CSMD1: variants seen among roughly 807,000 people sequenced by gnomAD.
CSMD1 encodes the protein CUB and Sushi multiple domains 1, also known as CUB and sushi domain-containing protein 1.
CSMD1 carries 213 observed loss-of-function variants against 417.5 expected under a neutral mutation model. The ratio of observed to expected loss-of-function variants is 0.51; its 90% CI spans 0.46 to 0.57. The LOEUF (loss-of-function observed/expected upper bound fraction) is 0.57, where lower values mean the gene tolerates loss of function less well. Ranked by LOEUF, CSMD1 falls within the 20% of genes least tolerant of loss-of-function variation. CSMD1 has a pLI of 0.00. For synonymous variants in CSMD1, 2,862 were observed against 1,736.8 expected (o/e 1.65, Z -16.11); for missense variants, 6,923 against 4,529.7 (o/e 1.53, Z -15.17).
intron 5 of CSMD1, among the ~76,000 whole-genome samples, chr8:3,845,664 A>C (rs1803457074): frequency 6.6e-6 from 1 of 152,176 alleles, no homozygotes. Flanking sequence ...TTTTGTCTTC[A>C]ATAATAAGTT....
chr8:4,618,649 A>C (rs749500803), intron 2 of CSMD1, among the ~76,000 whole-genome samples: 1 of 152,070 alleles, frequency 6.6e-6, no homozygotes, highest in Non-Finnish European at 1.5e-5. Context: ...GAAACCGTTA[A>C]ATTATTGACT....
chr8:4,282,302 G>A (rs1796829232), intron 3 of CSMD1, among the ~76,000 whole-genome samples: 1 of 152,102 alleles, frequency 6.6e-6, no homozygotes, highest in Non-Finnish European at 1.5e-5. Flanking sequence ...TGAAGCTCAG[G>A]AACACTGGAG....
rs1453262759 is a variant in CSMD1 at position 3,360,249 on chromosome 8, T to TA, written c.3116-910dup. On this transcript the variant is annotated intron_variant, in intron 20 of 69. Coordinates refer to ENST00000635120, the MANE Select transcript of CSMD1 (RefSeq NM_033225.6). The stretch of plus-strand genomic sequence containing the variant: ...CAAGAAGGAAGTGCTAAATATAAAT[T>TA]AAAAAATAAATGTCTGATATTTTGC... Among the ~76,000 whole-genome samples the TA allele has an allele frequency of 7.9e-5, 12 of 152,276 alleles. No individual in the cohort carries two copies. In the East Asian group the frequency reaches 2.1e-3, roughly 27 times the overall value.
At chr8:4,955,736 G>A (rs747287835) in intron 1 of CSMD1, among the ~76,000 whole-genome samples, 6 of 144,268 alleles carry the variant, frequency 4.2e-5, no homozygotes, top group Admixed American at 1.4e-4. Flanking sequence ...GATTACAGGC[G>A]TGAGCCACCA....
chr8:3,539,233 C>T (rs1001238622), intron 10 of CSMD1, among the ~76,000 whole-genome samples: 13 of 152,166 alleles, frequency 8.5e-5, no homozygotes, highest in African/African-American at 3.1e-4. Flanking sequence ...TCATGTGTAT[C>T]ATTAATCCTT....
intron 4 of CSMD1, among the ~76,000 whole-genome samples, chr8:4,007,865 A>G (rs978243358): frequency 6.6e-6 from 1 of 152,178 alleles, no homozygotes; most frequent in Admixed American, 6.5e-5. Flanking sequence ...AAGTTTATTT[A>G]GTTATAGAGA....
rs1315365158 is a variant in CSMD1 at position 4,091,173 on chromosome 8, C to A, written c.416-59074G>T. On this transcript the variant is annotated intron_variant, in intron 3 of 69. Transcript: ENST00000635120. ...ACCTCAAGTGATCCACATGGCTCGG[C>A]CTCCCAAAGTGCTGGGATTACGGGC... Among the ~76,000 whole-genome samples the A allele has an allele frequency of 3.9e-5, 6 of 152,200 alleles. No individual in the cohort carries two copies. The East Asian group carries it at 1.2e-3, about 29-fold the overall frequency.
chr8:3,062,479 T>C (rs1375944409), intron 49 of CSMD1, among the ~76,000 whole-genome samples: 1 of 151,700 alleles, frequency 6.6e-6, no homozygotes, highest in Non-Finnish European at 1.5e-5. Flanking sequence ...TGAAAATGAA[T>C]GTCCATAGAG....
intron 5 of CSMD1, among the ~76,000 whole-genome samples, chr8:3,952,989 G>C (rs1209034194): frequency 2.0e-5 from 3 of 151,696 alleles, no homozygotes; most frequent in Admixed American, 1.3e-4. Flanking sequence ...TTAAAAATTA[G>C]AAAAATAACA....
At chr8:4,167,055 C>G (rs376332767) in intron 3 of CSMD1, among the ~76,000 whole-genome samples, 1 of 151,934 alleles carries the variant, frequency 6.6e-6, no homozygotes, top group South Asian at 2.1e-4. Context: ...CAGCAACAAA[C>G]GGGGAGGAGA....
chr8:4,548,237 AG>A (rs1382688033), intron 2 of CSMD1, among the ~76,000 whole-genome samples: 4 of 152,196 alleles, frequency 2.6e-5, no homozygotes, highest in Non-Finnish European at 4.4e-5. Context: ...ATGTACGTTG[AG>A]TGCAAAAATG....
chr8:4,359,902 C>T (rs10101518), intron 3 of CSMD1, among the ~76,000 whole-genome samples: 59,628 of 152,028 alleles, frequency 0.39, 13,626 homozygotes, highest in African/African-American at 0.64. Flanking sequence ...TACCTTTTAA[C>T]CACAGTTTAA....
At chr8:3,282,730 A>G (rs1176505386) in intron 26 of CSMD1, among the ~76,000 whole-genome samples, 3 of 152,134 alleles carry the variant, frequency 2.0e-5, no homozygotes, top group Non-Finnish European at 4.4e-5. Flanking sequence ...AACCAGAGGT[A>G]AGAAATTGTG....
intron 2 of CSMD1, among the ~76,000 whole-genome samples, chr8:4,626,656 G>A (rs1391187784): frequency 2.6e-5 from 4 of 152,182 alleles, no homozygotes; most frequent in Non-Finnish European, 4.4e-5. Flanking sequence ...TTGATTCTGA[G>A]GAAGAGCTCT....
chr8:4,258,794 G>C (rs947892992), intron 3 of CSMD1, among the ~76,000 whole-genome samples: 5 of 152,202 alleles, frequency 3.3e-5, no homozygotes. Flanking sequence ...TGAATATTTA[G>C]AGGCAACTCT....
chr8:4,694,661 C>A (rs780795384), intron 1 of CSMD1, among the ~76,000 whole-genome samples: 1 of 152,044 alleles, frequency 6.6e-6, no homozygotes, highest in African/African-American at 2.4e-5. Context: ...CCGCGCCCAG[C>A]CCAATGTACT....
intron 41 of CSMD1, chr8:3,128,599 GTCA>G: frequency 3.2e-6 from 1 of 309,784 alleles, no homozygotes; most frequent in East Asian, 8.3e-5. Flanking sequence ...AGAGTTAAGT[GTCA>G]TCTTATCAAT....
At chr8:4,034,815 C>G (rs145359165) in intron 3 of CSMD1, among the ~76,000 whole-genome samples, 14 of 152,294 alleles carry the variant, frequency 9.2e-5, no homozygotes, top group African/African-American at 3.4e-4. Context: ...AGAAGGCACA[C>G]ATTTTCCAAC....
intron 26 of CSMD1, among the ~76,000 whole-genome samples, chr8:3,270,418 A>G (rs1585870997): frequency 6.6e-6 from 1 of 152,164 alleles, no homozygotes; most frequent in South Asian, 2.1e-4. Context: ...GTGAAAAAAA[A>G]TGATCAGTTT....
Sources: allele counts gnomAD v4.1 joint callset (sites outside exome capture counted in the v4.1 genomes callset), GRCh38; gene constraint gnomAD v4.1.1; transcripts MANE v1.5; gene names NCBI Gene and HGNC (gene_info 2026-07-23, HGNC 2026-07-21).